Variants in MMP17 observed in about 807,000 individuals in gnomAD.
MMP17 encodes the protein matrix metalloproteinase-17.
MMP17 carries 54 observed loss-of-function variants against 49.1 expected under a neutral mutation model. The observed-to-expected ratio is 1.10, with a 90% confidence interval of 0.88 to 1.38. MMP17 has a LOEUF of 1.38. Among genes scored for constraint, MMP17 ranks in the 40% most tolerant of loss-of-function variants. The pLI is 0.00. For synonymous variants in MMP17, 397 were observed against 383.1 expected (o/e 1.04, Z -0.42); for missense variants, 837 against 853.7 (o/e 0.98, Z 0.24).
chr12:131,849,877 C>T lies in MMP17; in HGVS notation c.1280C>T (p.Pro427Leu), dbSNP rs751504228. Residue 427 changes from proline (P) to leucine (L), a missense_variant, in exon 9 of 10, where the codon CCG becomes CTG. Transcript: ENST00000360564. ...YPRPVSDFSL[P>L]PGGIDAAFSW... ...CGCCCCGTCTCCGACTTCAGCCTCC[C>T]GCCTGGCGGCATCGACGCTGCCTTC... 2.3e-5 allele frequency: 37 copies of T among 1,613,928 alleles called. No homozygotes were observed. The highest frequency in any genetic ancestry group is 1.4e-4 in the South Asian group (13 of 91,074).
In MMP17 at chr12:131,840,715, T is replaced by C; in HGVS notation, c.565T>C (p.Phe189Leu). The change falls in exon 4 of 10, where the codon TTC becomes CTC. Residue 189 changes from phenylalanine (F) to leucine (L), a missense_variant. By Grantham distance (22) the Phe-to-Leu change is conservative. Transcript: ENST00000360564. ...CAGCGCCGCCGACATCCAGATCGAC[T>C]TCTCCAAGGCCGACCATAACGACGG... ...AGSAADIQID[F>L]SKADHNDGYP... 6.2e-7 allele frequency: 1 copy of C among 1,605,204 alleles called. No homozygotes were observed. Among genetic ancestry groups the C allele is most frequent in the Non-Finnish European group, 8.5e-7 (1 of 1,179,912 alleles).
intron 4 of MMP17, among the ~76,000 whole-genome samples, chr12:131,841,275 G>T (rs1002831437): frequency 6.6e-6 from 1 of 152,244 alleles, no homozygotes; most frequent in Non-Finnish European, 1.5e-5. Context: ...GTCTTGTGGG[G>T]CCAGGGGTCA....
rs1887187337 is a variant in MMP17 at position 131,838,303 on chromosome 12, G to A, written c.268G>A (p.Gly90Ser). 6.2e-7 allele frequency: 1 copy of A among 1,612,994 alleles called. No homozygotes were observed. The highest frequency in any genetic ancestry group is 1.3e-5 in the African/African-American group (1 of 74,940). ...KAITAMQQFGGLEATGILDEA... is the reference protein window; with the variant it reads ...KAITAMQQFGSLEATGILDEA... Reference sequence around the variant, plus strand: ...CATCACAGCCATGCAGCAGTTTGGTGGCCTGGAGGCCACCGGCATCCTGGG... The same window carrying A: ...CATCACAGCCATGCAGCAGTTTGGTAGCCTGGAGGCCACCGGCATCCTGGG... The change falls in exon 2 of 10, where the codon GGC (glycine) becomes AGC (serine). Residue 90 changes from glycine to serine, a missense_variant. Physicochemically the swap from Gly to Ser is moderately conservative, Grantham distance 56 (BLOSUM62 0). Transcript: ENST00000360564.
intron 3 of MMP17, among the ~76,000 whole-genome samples, chr12:131,839,423 C>T (rs964703414): frequency 6.6e-6 from 1 of 152,166 alleles, no homozygotes; most frequent in African/African-American, 2.4e-5. Flanking sequence ...AGCAATCCTC[C>T]TGCCTCCGCC....
In MMP17 at chr12:131,831,561, A is replaced by T. The variant is rs571753274; in HGVS notation, c.159+2908A>T. Among the ~76,000 whole-genome samples, 297 of 151,826 alleles carry T rather than the reference A, an allele frequency of 2.0e-3. 4 individuals are homozygous for T. The highest frequency in any genetic ancestry group is 6.9e-3 in the African/African-American group (285 of 41,408). On this transcript the variant is annotated intron_variant, in intron 1 of 9. Transcript: ENST00000360564. ...CTTCAGGCGAGCACCCCCAGCCAAAACCAAGACAGGCAGGAGGGTTAGACC... is the reference window on the plus strand; with the variant it reads ...CTTCAGGCGAGCACCCCCAGCCAAATCCAAGACAGGCAGGAGGGTTAGACC...
chr12:131,831,832 G>A (rs1456742013), intron 1 of MMP17, among the ~76,000 whole-genome samples: 24 of 64,894 alleles, frequency 3.7e-4, no homozygotes, highest in East Asian at 1.4e-3. Context: ...AGGATCTGGG[G>A]GGGGACGGGA....
chr12:131,843,917 G>A, intron 5 of MMP17, 80 bp from the exon 6 acceptor site: 1 of 1,067,858 alleles, frequency 9.4e-7, no homozygotes, highest in South Asian at 1.5e-5. Flanking sequence ...TTTCATCCCT[G>A]GGATTCAGAA....
At chr12:131,829,824 C>T (rs935288074) in intron 1 of MMP17, among the ~76,000 whole-genome samples, 1 of 152,220 alleles carries the variant, frequency 6.6e-6, no homozygotes, top group African/African-American at 2.4e-5. Flanking sequence ...ATTTGGCCAC[C>T]GTTTGCCCCA....
At position 131,846,381 on chromosome 12, in the gene MMP17, T is replaced by G. The variant is rs1887704082; in HGVS notation, c.1204+932T>G. On this transcript the variant is annotated intron_variant, in intron 8 of 9. Transcript: ENST00000360564. The surrounding 1 kb of genome is among the most constrained non-coding windows in gnomAD (Gnocchi z 4.6). Reference sequence around the variant, plus strand: ...AGTCCTGTTTGTTTTTTGTTTTTTGTTTTTTGTTTTTCTGAGACAAAGTCT... The same window carrying G: ...AGTCCTGTTTGTTTTTTGTTTTTTGGTTTTTGTTTTTCTGAGACAAAGTCT... Among the ~76,000 whole-genome samples the G allele has an allele frequency of 6.6e-6, 1 of 152,090 alleles. No individual in the cohort carries two copies. The highest frequency in any genetic ancestry group is 2.4e-5 in the African/African-American group (1 of 41,408).
At position 131,851,575 on chromosome 12, in the gene MMP17, G is replaced by T. The variant is rs1361638982; in HGVS notation, c.*301G>T. The T allele has an allele frequency of 5.8e-6, 2 of 345,564 alleles. No homozygotes were observed. Among genetic ancestry groups the T allele is most frequent in the East Asian group, 4.2e-5 (1 of 23,654 alleles). 21.4% of individuals were successfully genotyped at this position (345,564 alleles called of 1,614,324 possible). ...CTCCGGCCCTGGAGGGAGCATCTCG[G>T]GCTGGGGGCCCACCCCTCTCTGTGC... is the stretch of plus-strand genomic sequence containing the variant. On this transcript the variant is annotated 3_prime_UTR_variant, in exon 10 of 10. Transcript: ENST00000360564.
Position 131,850,072 on chromosome 12 carries a change from TGGG to T in MMP17, c.1462+17_1462+19del. On this transcript the variant is annotated intron_variant, in intron 9 of 9. Coordinates refer to ENST00000360564, the MANE Select transcript of MMP17 (RefSeq NM_016155.7). ...CGCTGGTCCGACGGTGAGTGCCAGC[TGGG>T]GGGACGGGCCATGCGGCCTTGGTTT... 1 of 1,600,118 alleles carries T rather than the reference TGGG, an allele frequency of 6.2e-7. No homozygotes were observed. The highest frequency in any genetic ancestry group is 1.3e-5 in the African/African-American group (1 of 74,620).
chr12:131,845,217 C>T lies in MMP17; in HGVS notation c.1051+17C>T, dbSNP rs200424794. On this transcript the variant is annotated intron_variant, in intron 7 of 9. Coordinates refer to ENST00000360564, the MANE Select transcript of MMP17 (RefSeq NM_016155.7). Reference sequence around the variant, plus strand: ...TCTTCAAAGGTACCTCCAGGGTTCCCGTGGCGGTTGGCTGAGGGCCATGGC... The same window carrying T: ...TCTTCAAAGGTACCTCCAGGGTTCCTGTGGCGGTTGGCTGAGGGCCATGGC... The T allele has an allele frequency of 2.1e-4, 343 of 1,614,034 alleles. No individual in the cohort carries two copies. The highest frequency in any genetic ancestry group is 2.8e-4 in the Non-Finnish European group (326 of 1,179,934).
intron 1 of MMP17, among the ~76,000 whole-genome samples, chr12:131,836,037 C>T (rs1887066350): frequency 6.6e-6 from 1 of 152,202 alleles, no homozygotes; most frequent in Non-Finnish European, 1.5e-5. Context: ...CCCCAAGGCC[C>T]CTCCAGAGAA....
In MMP17 at chr12:131,840,768, C is replaced by A. The variant is rs747200830; in HGVS notation, c.618C>A (p.Thr206=). Residue 206 remains threonine (T), a synonymous_variant, in exon 4 of 10, where the codon ACC becomes ACA. Transcript: ENST00000360564. ...DGYPFDGPGG[T]VAHAFFPGHH... is the part of the protein sequence containing the mutation. Reference sequence around the variant, plus strand: ...ACCCCTTCGACGGCCCCGGCGGCACCGTGGCCCACGCCTTCTTCCCCGGCC... The same window carrying A: ...ACCCCTTCGACGGCCCCGGCGGCACAGTGGCCCACGCCTTCTTCCCCGGCC... 5 of 1,604,960 alleles carry A rather than the reference C, an allele frequency of 3.1e-6. No individual in the cohort carries two copies. The East Asian group carries it at 8.9e-5, about 29-fold the overall frequency.
intron 8 of MMP17, among the ~76,000 whole-genome samples, chr12:131,847,214 C>T (rs955777064): frequency 4.6e-5 from 7 of 151,870 alleles, no homozygotes; most frequent in Admixed American, 1.3e-4. Flanking sequence ...AAATCGAGAC[C>T]ATCCTGGTTA....
intron 5 of MMP17, among the ~76,000 whole-genome samples, chr12:131,842,927 C>A (rs560797266): frequency 6.6e-6 from 1 of 152,226 alleles, no homozygotes; most frequent in Admixed American, 6.5e-5. Flanking sequence ...CCCATCCCCC[C>A]AGCCCCTGGC....
rs1887980643 is a variant in MMP17, at chr12:131,851,665, C to T, written c.*391C>T. 1 of 193,954 alleles carries T rather than the reference C, an allele frequency of 5.2e-6. No individual in the cohort carries two copies. The highest frequency in any genetic ancestry group is 1.0e-5 in the Non-Finnish European group (1 of 95,596). 12.0% of individuals were successfully genotyped at this position (193,954 alleles called of 1,614,324 possible). ...CCGCCGGCCCACAGGGCCTCCGTCC[C>T]CAGGTCCCCAGTGGGGCAGCCCTCC... On this transcript the variant is annotated 3_prime_UTR_variant, in exon 10 of 10. Coordinates refer to ENST00000360564, the MANE Select transcript of MMP17 (RefSeq NM_016155.7).
intron 8 of MMP17, among the ~76,000 whole-genome samples, chr12:131,849,003 G>T (rs914065856): frequency 6.6e-6 from 1 of 152,206 alleles, no homozygotes; most frequent in Non-Finnish European, 1.5e-5. Context: ...TCCCGCAGCG[G>T]CTGCACAATT....
intron 3 of MMP17, chr12:131,840,191 A>G (rs1374889923): frequency 5.0e-6 from 1 of 198,408 alleles, no homozygotes; most frequent in African/African-American, 2.3e-5. Context: ...CGGAGTCAAA[A>G]CTATCTCAGA....
Sources: allele counts gnomAD v4.1 joint callset (sites outside exome capture counted in the v4.1 genomes callset), GRCh38; gene constraint gnomAD v4.1.1; non-coding constraint Gnocchi (gnomAD v3.1); transcripts MANE v1.5; gene names NCBI Gene and HGNC (gene_info 2026-07-23, HGNC 2026-07-21).